The following LRBA variants were observed in gnomAD, a reference collection of about 807,000 sequenced individuals.
The protein encoded by LRBA is LPS responsive beige-like anchor protein, also known as lipopolysaccharide-responsive and beige-like anchor protein.
Under a neutral mutation model 330.0 loss-of-function variants are expected in LRBA, and 176 were observed. The ratio of observed to expected loss-of-function variants is 0.53; its 90% CI spans 0.47 to 0.60. The LOEUF is 0.60. Ranked by LOEUF, LRBA falls within the 20% of genes least tolerant of loss-of-function variation. LRBA has a pLI of 0.00. For missense variants in LRBA, 3,259 were observed against 3,444.8 expected (o/e 0.95, Z 1.35); for synonymous variants, 1,230 against 1,193.0 (o/e 1.03, Z -0.64).
intron 47 of LRBA, among the ~76,000 whole-genome samples, chr4:150,397,874 C>A: frequency 6.6e-6 from 1 of 152,264 alleles, no homozygotes; most frequent in Non-Finnish European, 1.5e-5. Flanking sequence ...TGGCTTACAA[C>A]AATGTCTGGT....
chr4:150,802,039 A>C (rs987573207), intron 33 of LRBA, among the ~76,000 whole-genome samples: 39 of 136,792 alleles, frequency 2.9e-4, no homozygotes, highest in African/African-American at 9.1e-4. Flanking sequence ...ATAAATAAAT[A>C]AATAAATAAA....
chr4:150,877,612 A>G (rs1296587086), intron 17 of LRBA, among the ~76,000 whole-genome samples: 1 of 152,234 alleles, frequency 6.6e-6, no homozygotes. Flanking sequence ...GACAGGCATT[A>G]GACATGCCAT....
At chr4:150,602,783 AAAAGGTTAT>A (rs1048520783) in intron 37 of LRBA, among the ~76,000 whole-genome samples, 4 of 152,192 alleles carry the variant, frequency 2.6e-5, no homozygotes, top group African/African-American at 9.7e-5. Flanking sequence ...CCCTCTTCCC[AAAAGGTTAT>A]AAAGTAATTA....
chr4:150,710,231 T>C (rs1263857266), intron 36 of LRBA, among the ~76,000 whole-genome samples: 1 of 151,948 alleles, frequency 6.6e-6, no homozygotes, highest in Non-Finnish European at 1.5e-5. Context: ...ATTAAGTGTG[T>C]AGTAAGGGAA....
At position 150,740,864 on chromosome 4, in the gene LRBA, G is replaced by T. The variant is rs117593542; in HGVS notation, c.5646-5498C>A. ...AGAATACATGAGACATTCTTAAAGA[G>T]GGGAAGAGAGATGATAATAATGATA... On this transcript the variant is annotated intron_variant, in intron 35 of 56. Coordinates refer to ENST00000651943, the MANE Select transcript of LRBA (RefSeq NM_001364905.1). 5.7e-4 allele frequency among the ~76,000 whole-genome samples: 87 copies of T among 152,074 alleles called. 3 individuals are homozygous for T. In the East Asian group the frequency reaches 0.015, roughly 26 times the overall value.
chr4:150,559,933 T>A (rs1768087763), intron 40 of LRBA, among the ~76,000 whole-genome samples: 1 of 107,598 alleles, frequency 9.3e-6, no homozygotes, highest in Non-Finnish European at 1.8e-5. Flanking sequence ...TATAAATATA[T>A]ATATATCTAT....
intron 37 of LRBA, among the ~76,000 whole-genome samples, chr4:150,633,001 C>A (rs1425212800): frequency 6.6e-6 from 1 of 152,154 alleles, no homozygotes; most frequent in Non-Finnish European, 1.5e-5. Flanking sequence ...GCTATAATTA[C>A]CCACATGTAT....
intron 36 of LRBA, among the ~76,000 whole-genome samples, chr4:150,710,919 C>T (rs1786127096): frequency 6.6e-6 from 1 of 151,794 alleles, no homozygotes; most frequent in African/African-American, 2.4e-5. Flanking sequence ...ATTATTCAGG[C>T]TAAGTTTACA....
intron 2 of LRBA, among the ~76,000 whole-genome samples, chr4:150,986,522 C>G (rs981849679): frequency 6.6e-6 from 1 of 152,068 alleles, no homozygotes. Flanking sequence ...AGAATGTAGA[C>G]AAATCTGACA....
intron 40 of LRBA, among the ~76,000 whole-genome samples, chr4:150,494,361 G>A (rs1171481449): frequency 6.6e-6 from 1 of 152,142 alleles, no homozygotes; most frequent in East Asian, 1.9e-4. Context: ...TAAGCTCTTT[G>A]ATATGTTAGG....
In LRBA at chr4:150,456,351, G is replaced by C. The variant is rs1230657039; in HGVS notation, c.6780+11322C>G. ...CAGCATTTGGTATTGCTTGCCTTTT[G>C]GACATAAGCCATTTTAATTGGAGTG... On this transcript the variant is annotated intron_variant, in intron 44 of 56. Transcript: ENST00000651943. Among the ~76,000 whole-genome samples, 4 of 152,072 alleles carry C rather than the reference G, an allele frequency of 2.6e-5. No homozygotes were observed. The South Asian group carries it at 6.2e-4, about 24-fold the overall frequency.
chr4:150,411,511 T>A (rs1008744720), intron 47 of LRBA, among the ~76,000 whole-genome samples: 3 of 152,208 alleles, frequency 2.0e-5, no homozygotes, highest in Non-Finnish European at 4.4e-5. Context: ...TAATCTGTTA[T>A]TATTCACTGT....
At chr4:150,968,302 C>T (rs751732731) in intron 2 of LRBA, among the ~76,000 whole-genome samples, 2 of 152,126 alleles carry the variant, frequency 1.3e-5, no homozygotes, top group Non-Finnish European at 2.9e-5. Flanking sequence ...TGTGCCCGGC[C>T]GCACATCTCT....
Position 150,778,910 on chromosome 4 carries a change from A to G in LRBA, c.5581-17063T>C, listed in dbSNP as rs180695947. ...TTCATTAGAGACTTCTGGAGGGGAA[A>G]CATGAAAGACTTCCATTAAAACTAT... is the stretch of plus-strand genomic sequence containing the variant. On this transcript the variant is annotated intron_variant, in intron 34 of 56. Transcript: ENST00000651943. 8.5e-5 allele frequency among the ~76,000 whole-genome samples: 13 copies of G among 152,318 alleles called. No homozygotes were observed. The East Asian group carries it at 2.5e-3, about 29-fold the overall frequency.
At chr4:150,964,893 A>T (rs1424075262) in intron 2 of LRBA, among the ~76,000 whole-genome samples, 2 of 152,276 alleles carry the variant, frequency 1.3e-5, no homozygotes, top group Non-Finnish European at 2.9e-5. Context: ...AATTCAAAGA[A>T]AATATGGTCA....
intron 36 of LRBA, among the ~76,000 whole-genome samples, chr4:150,732,200 T>A (rs188346768): frequency 6.6e-6 from 1 of 152,212 alleles, no homozygotes; most frequent in East Asian, 1.9e-4. Flanking sequence ...TTTCCATAAT[T>A]ATTATTTTGC....
chr4:150,311,766 A>T (rs1458543051), intron 51 of LRBA, among the ~76,000 whole-genome samples: 1 of 152,224 alleles, frequency 6.6e-6, no homozygotes, highest in East Asian at 1.9e-4. Context: ...CTAGTTGGGA[A>T]TCATTTTTTC....
intron 47 of LRBA, among the ~76,000 whole-genome samples, chr4:150,362,850 C>T (rs1283063232): frequency 1.3e-5 from 2 of 152,112 alleles, no homozygotes; most frequent in African/African-American, 4.8e-5. Context: ...GCCTGTATTC[C>T]CAGCACACTG....
rs117728895 is a variant in LRBA at position 150,719,379 on chromosome 4, C to T, written c.5754+15879G>A. Among the ~76,000 whole-genome samples the T allele has an allele frequency of 5.5e-4, 84 of 151,952 alleles. No individual in the cohort carries two copies. In the East Asian group the frequency reaches 0.015, roughly 28 times the overall value. On this transcript the variant is annotated intron_variant, in intron 36 of 56. Transcript: ENST00000651943. ...ATAGTTACAACAAAGAAAGCATCTC[C>T]ATAATTAATTAGAAAGTACACTAAG... is the stretch of plus-strand genomic sequence containing the variant.
Sources: allele counts gnomAD v4.1 joint callset (sites outside exome capture counted in the v4.1 genomes callset), GRCh38; gene constraint gnomAD v4.1.1; transcripts MANE v1.5; gene names NCBI Gene and HGNC (gene_info 2026-07-23, HGNC 2026-07-21).